Variants in SPOCK1 observed in about 807,000 individuals in gnomAD.
The protein encoded by SPOCK1 is SPARC (osteonectin), cwcv and kazal like domains proteoglycan 1, also known as testican-1.
Under a neutral mutation model 55.3 loss-of-function variants are expected in SPOCK1, and 23 were observed. The ratio of observed to expected loss-of-function variants is 0.42; its 90% CI spans 0.30 to 0.59. The LOEUF (loss-of-function observed/expected upper bound fraction) is 0.59. Ranked by LOEUF, SPOCK1 falls within the 20% of genes least tolerant of loss-of-function variation. SPOCK1 has a pLI of 0.22. For missense variants in SPOCK1, 499 were observed against 552.5 expected (o/e 0.90, Z 0.97); for synonymous variants, 226 against 221.0 (o/e 1.02, Z -0.20).
chr5:137,096,485 G>A (rs1753149305), intron 5 of SPOCK1, among the ~76,000 whole-genome samples: 1 of 152,084 alleles, frequency 6.6e-6, no homozygotes, highest in Admixed American at 6.5e-5. Flanking sequence ...TCCTGGGCTG[G>A]GCTTGTGATC....
chr5:137,361,336 ACTGTGAGCT>A (rs1420658728), intron 2 of SPOCK1, among the ~76,000 whole-genome samples: 7 of 152,210 alleles, frequency 4.6e-5, no homozygotes, highest in Non-Finnish European at 8.8e-5. Flanking sequence ...GCCCTACTAG[ACTGTGAGCT>A]CTGTAATGGG....
At chr5:137,175,471 A>C (rs180819333) in intron 3 of SPOCK1, among the ~76,000 whole-genome samples, 1 of 152,328 alleles carries the variant, frequency 6.6e-6, no homozygotes, top group Admixed American at 6.5e-5. Context: ...TAGGAGACTA[A>C]TACATGTTGG....
intron 2 of SPOCK1, among the ~76,000 whole-genome samples, chr5:137,384,158 A>G (rs1044246529): frequency 2.6e-5 from 4 of 152,212 alleles, no homozygotes; most frequent in Admixed American, 6.5e-5. Flanking sequence ...CAAGCTCCCT[A>G]TGGGGATTCC....
intron 6 of SPOCK1, among the ~76,000 whole-genome samples, chr5:137,054,193 C>T (rs1313194192): frequency 6.6e-6 from 1 of 152,130 alleles, no homozygotes; most frequent in Non-Finnish European, 1.5e-5. Context: ...ACAAGATAGG[C>T]CTATCTATCT....
chr5:137,481,441 T>C (rs1394357746), intron 2 of SPOCK1, among the ~76,000 whole-genome samples: 2 of 152,130 alleles, frequency 1.3e-5, no homozygotes. Flanking sequence ...TTTTACTAGG[T>C]CAAAAATATG....
intron 2 of SPOCK1, among the ~76,000 whole-genome samples, chr5:137,445,176 A>G (rs1312621863): frequency 1.3e-5 from 2 of 152,064 alleles, no homozygotes; most frequent in African/African-American, 2.4e-5. Flanking sequence ...CCCCTTCTCT[A>G]TATTTCCTTC....
At chr5:137,062,893 G>A (rs1388431799) in intron 6 of SPOCK1, among the ~76,000 whole-genome samples, 1 of 152,164 alleles carries the variant, frequency 6.6e-6, no homozygotes, top group Non-Finnish European at 1.5e-5. Context: ...GAGAGATAAG[G>A]CAATGAAGTC....
At chr5:137,410,637 C>A (rs1752190377) in intron 2 of SPOCK1, among the ~76,000 whole-genome samples, 1 of 152,190 alleles carries the variant, frequency 6.6e-6, no homozygotes, top group East Asian at 1.9e-4. Flanking sequence ...GGGACTGCAC[C>A]CCACGCCACT....
chr5:137,490,395 C>G (rs554894293), intron 2 of SPOCK1, among the ~76,000 whole-genome samples: 3 of 152,132 alleles, frequency 2.0e-5, no homozygotes, highest in Non-Finnish European at 2.9e-5. Context: ...AAGAACTTCC[C>G]CAAGTATAGT....
chr5:137,460,403 A>G (rs976520156), intron 2 of SPOCK1, among the ~76,000 whole-genome samples: 1 of 152,174 alleles, frequency 6.6e-6, no homozygotes, highest in African/African-American at 2.4e-5. Flanking sequence ...GGTACGGGAT[A>G]AGGACCAGCC....
chr5:137,347,048 T>A (rs1352980381), intron 2 of SPOCK1, among the ~76,000 whole-genome samples: 1 of 152,050 alleles, frequency 6.6e-6, no homozygotes, highest in African/African-American at 2.4e-5. Flanking sequence ...ACCACTTACC[T>A]CCCCTGCAGC....
At chr5:137,053,935 G>A (rs1047664234) in intron 6 of SPOCK1, among the ~76,000 whole-genome samples, 3 of 152,138 alleles carry the variant, frequency 2.0e-5, no homozygotes, top group African/African-American at 7.2e-5. Context: ...GAATCAAATG[G>A]CTATGGGCTA....
chr5:137,108,683 C>T (rs1021850297), intron 5 of SPOCK1, among the ~76,000 whole-genome samples: 4 of 152,250 alleles, frequency 2.6e-5, no homozygotes, highest in Admixed American at 6.5e-5. Flanking sequence ...AAGGGTTAAG[C>T]AGGTCTGGGA....
chr5:137,187,931 A>G (rs1755106297), intron 3 of SPOCK1, among the ~76,000 whole-genome samples: 1 of 152,226 alleles, frequency 6.6e-6, no homozygotes, highest in Non-Finnish European at 1.5e-5. Flanking sequence ...GTTAGCATAA[A>G]TTAGTGGAAG....
chr5:137,260,495 A>G (rs1278755273), intron 3 of SPOCK1, among the ~76,000 whole-genome samples: 2 of 152,244 alleles, frequency 1.3e-5, no homozygotes, highest in Non-Finnish European at 2.9e-5. Flanking sequence ...GTATACATAT[A>G]CATGACATAA....
intron 3 of SPOCK1, among the ~76,000 whole-genome samples, chr5:137,153,840 A>C (rs1659851302): frequency 1.3e-5 from 2 of 151,874 alleles, no homozygotes; most frequent in Non-Finnish European, 2.9e-5. Context: ...CCTGGGTGAC[A>C]GAGCAAGATT....
chr5:137,426,025 T>C lies in SPOCK1; in HGVS notation c.186+72348A>G, dbSNP rs143653369. ...CCAACTCATTCTAGCTTAGCGTCTATCCAGAAATTAGGTACTACACCCAAC... is the reference window on the plus strand; with the variant it reads ...CCAACTCATTCTAGCTTAGCGTCTACCCAGAAATTAGGTACTACACCCAAC... On this transcript the variant is annotated intron_variant, in intron 2 of 10. Coordinates refer to ENST00000394945, the MANE Select transcript of SPOCK1 (RefSeq NM_004598.4). Among the ~76,000 whole-genome samples, 117 of 149,522 alleles carry C rather than the reference T, an allele frequency of 7.8e-4. 1 individual carries two copies. The highest frequency in any genetic ancestry group is 2.5e-3 in the African/African-American group (103 of 40,738).
At chr5:137,105,200 C>A (rs1753342469) in intron 5 of SPOCK1, among the ~76,000 whole-genome samples, 2 of 152,194 alleles carry the variant, frequency 1.3e-5, no homozygotes, top group South Asian at 4.1e-4. Context: ...CATTGTGTTC[C>A]AGCCTGTGGA....
intron 2 of SPOCK1, among the ~76,000 whole-genome samples, chr5:137,288,677 C>T (rs984852340): frequency 1.4e-4 from 22 of 152,160 alleles, no homozygotes; most frequent in African/African-American, 5.1e-4. Context: ...TCTGGACTCA[C>T]AAAGATTTTT....
Sources: allele counts gnomAD v4.1 joint callset (sites outside exome capture counted in the v4.1 genomes callset), GRCh38; gene constraint gnomAD v4.1.1; transcripts MANE v1.5; gene names NCBI Gene and HGNC (gene_info 2026-07-23, HGNC 2026-07-21).